The following GNG12 variants were observed in gnomAD, a reference collection of about 807,000 sequenced individuals.
GNG12 encodes G protein subunit gamma 12, also known as guanine nucleotide-binding protein G(I)/G(S)/G(O) subunit gamma-12.
For missense variants in GNG12, 69 were observed against 83.8 expected (o/e 0.82, Z 0.69); for synonymous variants, 28 against 29.7 (o/e 0.94, Z 0.19).
intron 2 of GNG12, among the ~76,000 whole-genome samples, chr1:67,737,649 G>A (rs745961412): frequency 3.3e-5 from 5 of 150,918 alleles, no homozygotes; most frequent in African/African-American, 7.3e-5. Context: ...GCTTTTCCCT[G>A]CTCCAAAGAT....
At chr1:67,723,999 A>G (rs923536707) in intron 2 of GNG12, among the ~76,000 whole-genome samples, 1 of 152,224 alleles carries the variant, frequency 6.6e-6, no homozygotes, top group African/African-American at 2.4e-5. Flanking sequence ...AAGGGGCTGA[A>G]CACAGAACTA....
At chr1:67,798,607 C>T (rs1417167054) in intron 1 of GNG12, among the ~76,000 whole-genome samples, 2 of 152,020 alleles carry the variant, frequency 1.3e-5, no homozygotes, top group Non-Finnish European at 2.9e-5. Flanking sequence ...TCAGCCTACC[C>T]AGTGTGAATA....
intron 1 of GNG12, among the ~76,000 whole-genome samples, chr1:67,791,659 G>A (rs1481428464): frequency 6.6e-6 from 1 of 152,020 alleles, no homozygotes; most frequent in Non-Finnish European, 1.5e-5. Context: ...AATACCTCCA[G>A]AATCCAATCA....
chr1:67,712,338 T>C (rs982089360), intron 2 of GNG12, among the ~76,000 whole-genome samples: 1 of 152,222 alleles, frequency 6.6e-6, no homozygotes, highest in South Asian at 2.1e-4. Flanking sequence ...GAAGCCTCAC[T>C]ATAATCCTGA....
chr1:67,800,923 T>C (rs1366857321), intron 1 of GNG12, among the ~76,000 whole-genome samples: 1 of 152,172 alleles, frequency 6.6e-6, no homozygotes, highest in Non-Finnish European at 1.5e-5. Flanking sequence ...TAATAAATGT[T>C]CTTGAATATC....
At chr1:67,732,285 C>T (rs529461870) in intron 2 of GNG12, among the ~76,000 whole-genome samples, 4 of 152,176 alleles carry the variant, frequency 2.6e-5, no homozygotes, top group Admixed American at 6.5e-5. Context: ...CGGGGGACCC[C>T]CAGTATAAAG....
intron 2 of GNG12, among the ~76,000 whole-genome samples, chr1:67,714,256 C>T (rs950814010): frequency 1.3e-5 from 2 of 152,210 alleles, no homozygotes; most frequent in East Asian, 1.9e-4. Flanking sequence ...TGCTGGTACA[C>T]CTGCCAGGCC....
intron 2 of GNG12, among the ~76,000 whole-genome samples, chr1:67,709,651 C>A (rs867929431): frequency 2.7e-5 from 4 of 150,520 alleles, no homozygotes; most frequent in Non-Finnish European, 5.9e-5. Context: ...AAAAGAGAGG[C>A]CTAGGGTCTC....
At position 67,816,487 on chromosome 1, in the gene GNG12, A is replaced by G. The variant is rs562262939; in HGVS notation, c.-77+16857T>C. 5.3e-5 allele frequency among the ~76,000 whole-genome samples: 8 copies of G among 152,190 alleles called. 2 individuals carry two copies. Among genetic ancestry groups the G allele is most frequent in the African/African-American group, 1.9e-4 (8 of 41,514 alleles). ...CTGGACTCCTGTTCCTCCTGGACAC[A>G]CTCACCCTCCAGTCTAGTTACAAAT... is the stretch of plus-strand genomic sequence containing the variant. On this transcript the variant is annotated intron_variant, in intron 1 of 3. Transcript: ENST00000370982.
chr1:67,708,278 A>G (rs1464600556), intron 2 of GNG12, among the ~76,000 whole-genome samples: 2 of 152,230 alleles, frequency 1.3e-5, no homozygotes, highest in Non-Finnish European at 2.9e-5. Flanking sequence ...TGAAAGTGTT[A>G]GGCACATAAG....
At chr1:67,742,429 T>C (rs1000179698) in intron 2 of GNG12, among the ~76,000 whole-genome samples, 1 of 152,174 alleles carries the variant, frequency 6.6e-6, no homozygotes, top group African/African-American at 2.4e-5. Context: ...GTAATTCACC[T>C]GGGAAGAAAA....
chr1:67,809,235 A>G (rs2265759), intron 1 of GNG12, among the ~76,000 whole-genome samples: 10 of 151,770 alleles, frequency 6.6e-5, no homozygotes, highest in Non-Finnish European at 1.2e-4. Context: ...CCCTGCCCCC[A>G]CCAAAAAAGA....
At chr1:67,816,783 T>C (rs1450175866) in intron 1 of GNG12, among the ~76,000 whole-genome samples, 1 of 152,042 alleles carries the variant, frequency 6.6e-6, no homozygotes, top group Non-Finnish European at 1.5e-5. Context: ...AACTCCCAGC[T>C]CACTAGATTT....
intron 1 of GNG12, among the ~76,000 whole-genome samples, chr1:67,781,418 G>A (rs569224476): frequency 6.7e-4 from 102 of 152,314 alleles, no homozygotes; most frequent in Non-Finnish European, 5.4e-4. Context: ...ATGGTTGTAG[G>A]TGCTGGAGAT....
intron 2 of GNG12, among the ~76,000 whole-genome samples, chr1:67,738,651 AG>A (rs1384291051): frequency 6.6e-6 from 1 of 152,202 alleles, no homozygotes; most frequent in African/African-American, 2.4e-5. Context: ...GGGAGGCGGG[AG>A]GATCACTTGA....
intron 1 of GNG12, among the ~76,000 whole-genome samples, chr1:67,827,615 C>T (rs899741384): frequency 1.3e-5 from 2 of 151,930 alleles, no homozygotes; most frequent in Non-Finnish European, 2.9e-5. Flanking sequence ...TTAGTAGAGA[C>T]GGGGTTTCAT....
At chr1:67,802,031 G>C (rs184134561) in intron 1 of GNG12, among the ~76,000 whole-genome samples, 25 of 152,290 alleles carry the variant, frequency 1.6e-4, no homozygotes, top group African/African-American at 6.0e-4. Flanking sequence ...TGGAATGCCT[G>C]GGTGAACCTG....
rs1203313319 is a variant in GNG12, at chr1:67,703,294, C to T, written c.*2157G>A. The T allele has an allele frequency of 6.6e-6, 1 of 152,110 alleles. No homozygotes were observed. The allele number at this position is 152,110 out of a possible 1,614,324, so 9.4% of individuals were successfully genotyped here. Reference sequence around the variant, plus strand: ...GCATATTAACAGATATATATCAAAACATACTTGTTTACTGTTAGGTAAAAG... The same window carrying T: ...GCATATTAACAGATATATATCAAAATATACTTGTTTACTGTTAGGTAAAAG... On this transcript the variant is annotated 3_prime_UTR_variant, in exon 4 of 4. Coordinates refer to ENST00000370982, the MANE Select transcript of GNG12 (RefSeq NM_018841.6).
In GNG12 at chr1:67,786,987, A is replaced by G. The variant is rs866774907; in HGVS notation, c.-76-9480T>C. Among the ~76,000 whole-genome samples, 504 of 97,704 alleles carry G rather than the reference A, an allele frequency of 5.2e-3. 1 individual carries two copies. Among genetic ancestry groups the G allele is most frequent in the African/African-American group, 6.7e-3 (173 of 25,890 alleles). The allele number at this position is 97,704 out of a possible 152,430, so 64.1% of individuals were successfully genotyped here. A position where few individuals can be genotyped will look rare whatever the true frequency, so the allele number is the denominator to read the frequency against. On this transcript the variant is annotated intron_variant, in intron 1 of 3. Transcript: ENST00000370982. ...TGTGTGTGTGTGTGTGTGTGTGTGT[A>G]TGTATATATATGTGTATATCTGTGT...
Sources: gnomAD v4.1 joint callset for allele counts (sites outside exome capture counted in the v4.1 genomes callset) on GRCh38, gnomAD v4.1.1 for gene constraint, MANE v1.5 for transcripts, NCBI Gene and HGNC (gene_info 2026-07-23, HGNC 2026-07-21) for gene names.